TNRC6A: variants seen among roughly 807,000 people sequenced by gnomAD.
TNRC6A encodes trinucleotide repeat containing adaptor 6A.
Under a neutral mutation model 221.2 loss-of-function variants are expected in TNRC6A, and 44 were observed. The observed-to-expected ratio is 0.20, with a 90% CI of 0.16 to 0.26. The LOEUF (loss-of-function observed/expected upper bound fraction) is 0.26. Among genes scored for constraint, TNRC6A ranks in the 10% least tolerant of loss-of-function variants. The pLI is 1.00. For synonymous variants in TNRC6A, 847 were observed against 838.5 expected, an observed-to-expected ratio of 1.01 and a Z score of -0.18; for missense variants, 2,199 against 2,404.4, an observed-to-expected ratio of 0.91 and a Z score of 1.79.
intron 22 of TNRC6A, among the ~76,000 whole-genome samples, chr16:24,821,071 C>T (rs1203281223): frequency 2.0e-5 from 3 of 152,208 alleles, no homozygotes; most frequent in Non-Finnish European, 4.4e-5. Flanking sequence ...GATCTTTAGA[C>T]AGGTGATTGG....
At chr16:24,730,132 C>T (rs1447509326) in intron 1 of TNRC6A, 121 bp from the exon 2 acceptor site, 6 of 577,168 alleles carry the variant, frequency 1.0e-5, no homozygotes, top group South Asian at 4.3e-5. Context: ...CTCCCCCCGT[C>T]CTCTCCCCTC....
At chr16:24,782,850 C>T (rs755358351) in intron 5 of TNRC6A, among the ~76,000 whole-genome samples, 2 of 151,966 alleles carry the variant, frequency 1.3e-5, no homozygotes, top group South Asian at 4.2e-4. Flanking sequence ...CCAGCCTGGG[C>T]GACAGAGCAA....
intron 17 of TNRC6A, among the ~76,000 whole-genome samples, chr16:24,807,559 A>G (rs1324287902): frequency 2.0e-5 from 3 of 152,190 alleles, no homozygotes; most frequent in East Asian, 3.8e-4. Flanking sequence ...CTGTCTAACT[A>G]TGTATAAATG....
intron 1 of TNRC6A, among the ~76,000 whole-genome samples, chr16:24,613,190 G>A (rs1242561934): frequency 6.6e-6 from 1 of 150,986 alleles, no homozygotes; most frequent in Non-Finnish European, 1.5e-5. Flanking sequence ...TAAAAGTGGG[G>A]ACAGAGTTGG....
intron 2 of TNRC6A, among the ~76,000 whole-genome samples, chr16:24,719,404 G>A (rs1382671490): frequency 6.6e-6 from 1 of 152,052 alleles, no homozygotes; most frequent in Non-Finnish European, 1.5e-5. Flanking sequence ...GCTGGCTCAC[G>A]CTTGTAATCC....
intron 2 of TNRC6A, among the ~76,000 whole-genome samples, chr16:24,697,671 G>C (rs144434319): frequency 0.012 from 1,895 of 151,754 alleles, 48 homozygotes; most frequent in African/African-American, 0.043. Context: ...GGCAACAGAG[G>C]GAGACCCTGT....
At chr16:24,677,272 C>T (rs1171769171) in intron 2 of TNRC6A, among the ~76,000 whole-genome samples, 2 of 151,612 alleles carry the variant, frequency 1.3e-5, no homozygotes, top group Admixed American at 1.3e-4. Flanking sequence ...AAGTGATTCT[C>T]ATGCCTCAGC....
chr16:24,704,691 A>AAAAAG (rs2056061941), intron 2 of TNRC6A, among the ~76,000 whole-genome samples: 2 of 150,248 alleles, frequency 1.3e-5, no homozygotes, highest in South Asian at 2.1e-4. Context: ...AAAAAAAAAA[A>AAAAAG]AAAGAAAGAA....
chr16:24,680,052 C>T (rs2055500299), intron 2 of TNRC6A, among the ~76,000 whole-genome samples: 1 of 152,164 alleles, frequency 6.6e-6, no homozygotes, highest in African/African-American at 2.4e-5. Context: ...TGGAGGTAAA[C>T]ATATCACCTG....
intron 2 of TNRC6A, among the ~76,000 whole-genome samples, chr16:24,704,426 T>TC (rs1348246356): frequency 6.6e-6 from 1 of 151,650 alleles, no homozygotes; most frequent in East Asian, 1.9e-4. Flanking sequence ...ACGCCTGTAA[T>TC]CCAGCACTTT....
intron 10 of TNRC6A, 90 bp downstream of exon 10, chr16:24,797,660 C>A: frequency 3.5e-6 from 4 of 1,149,012 alleles, no homozygotes; most frequent in Non-Finnish European, 4.9e-6. Context: ...TATTTTTCAT[C>A]TTCGAGTCCT....
intron 4 of TNRC6A, among the ~76,000 whole-genome samples, chr16:24,768,738 A>G (rs2151618178): frequency 6.6e-6 from 1 of 152,336 alleles, no homozygotes; most frequent in Non-Finnish European, 1.5e-5. Flanking sequence ...TCTTAAAGTG[A>G]CATCATGTGT....
chr16:24,736,193 C>A (rs1427825056), intron 2 of TNRC6A, among the ~76,000 whole-genome samples: 1 of 152,160 alleles, frequency 6.6e-6, no homozygotes, highest in Non-Finnish European at 1.5e-5. Context: ...ATCATTCTAA[C>A]CTTAAGCAAA....
intron 1 of TNRC6A, among the ~76,000 whole-genome samples, chr16:24,615,554 C>T (rs1475044576): frequency 6.6e-6 from 1 of 152,074 alleles, no homozygotes; most frequent in Non-Finnish European, 1.5e-5. Context: ...GGAGGGAAAT[C>T]GGAGTGTGGG....
At chr16:24,748,953 C>T (rs1357302755) in intron 2 of TNRC6A, among the ~76,000 whole-genome samples, 1 of 152,132 alleles carries the variant, frequency 6.6e-6, no homozygotes, top group Non-Finnish European at 1.5e-5. Flanking sequence ...CAGCTCACTG[C>T]AAGCTCCACC....
intron 2 of TNRC6A, among the ~76,000 whole-genome samples, chr16:24,731,605 C>G (rs1800902782): frequency 6.6e-6 from 1 of 152,102 alleles, no homozygotes; most frequent in Non-Finnish European, 1.5e-5. Flanking sequence ...TTAAAGAAAA[C>G]AGGTTGAGCC....
intron 2 of TNRC6A, among the ~76,000 whole-genome samples, chr16:24,656,132 AC>A (rs1424225094): frequency 7.2e-6 from 1 of 139,358 alleles, no homozygotes; most frequent in African/African-American, 2.7e-5. Context: ...ACAGAACAAG[AC>A]CTTGTCTCAA....
Position 24,705,470 on chromosome 16 carries a change from T to C in TNRC6A, n.403-45256T>C, listed in dbSNP as rs753641817. On this transcript the variant is annotated intron_variant and non_coding_transcript_variant, in intron 2 of 2. Transcript: ENST00000566108. ...CCTCAGCCTCCCAAGTAGCTGGGATTACAGGCACATGCCACCATGCCCAAC... is the reference window on the plus strand; with the variant it reads ...CCTCAGCCTCCCAAGTAGCTGGGATCACAGGCACATGCCACCATGCCCAAC... Among the ~76,000 whole-genome samples the C allele has an allele frequency of 7.2e-5, 11 of 152,320 alleles. No homozygotes were observed. The South Asian group carries it at 1.5e-3, about 20-fold the overall frequency.
chr16:24,764,212 C>T (rs1461941563), intron 4 of TNRC6A, among the ~76,000 whole-genome samples: 1 of 151,660 alleles, frequency 6.6e-6, no homozygotes, highest in African/African-American at 2.4e-5. Flanking sequence ...CTGTGTCTGG[C>T]TTACATCACT....
Sources: allele counts gnomAD v4.1 joint callset (sites outside exome capture counted in the v4.1 genomes callset), GRCh38; gene constraint gnomAD v4.1.1; transcripts MANE v1.5; gene names NCBI Gene and HGNC (gene_info 2026-07-23, HGNC 2026-07-21).